Variants in NIPAL1 observed in about 807,000 individuals in gnomAD.
NIPAL1 encodes the protein NIPA like domain containing 1, also known as magnesium transporter NIPA3.
Under a neutral mutation model 37.7 loss-of-function variants are expected in NIPAL1, and 35 were observed. The observed-to-expected ratio is 0.93, with a 90% confidence interval of 0.71 to 1.23. The LOEUF is 1.23. Ranked by LOEUF, NIPAL1 falls within the 50% of genes most tolerant of loss-of-function variation. NIPAL1 has a pLI of 0.00. For missense variants in NIPAL1, 412 were observed against 473.9 expected (o/e 0.87, Z 1.21); for synonymous variants, 162 against 183.0 (o/e 0.89, Z 0.93).
In NIPAL1 at chr4:48,040,032, T is replaced by C. The variant is rs913758918; in HGVS notation, c.*3860T>C. 6.6e-6 allele frequency: 1 copy of C among 152,234 alleles called. No homozygotes were observed. The highest frequency in any genetic ancestry group is 2.4e-5 in the African/African-American group (1 of 41,460). The allele number at this position is 152,234 out of a possible 1,614,324, so 9.4% of individuals were successfully genotyped here. On this transcript the variant is annotated 3_prime_UTR_variant, in exon 6 of 6. Transcript: ENST00000295461. Reference sequence around the variant, plus strand: ...AGCTTTGTGGAAAAATATATGAATATATGAAATGTTCTCAAATATTTTGAA... The same window carrying C: ...AGCTTTGTGGAAAAATATATGAATACATGAAATGTTCTCAAATATTTTGAA...
rs926443714 is a variant in NIPAL1 at position 48,039,632 on chromosome 4, A to G, written c.*3460A>G. The G allele has an allele frequency of 2.0e-5, 3 of 152,262 alleles. No homozygotes were observed. The highest frequency in any genetic ancestry group is 7.2e-5 in the African/African-American group (3 of 41,480). The allele number at this position is 152,262 out of a possible 1,614,324, so 9.4% of individuals were successfully genotyped here. A position where few individuals can be genotyped will look rare whatever the true frequency, so the allele number is the denominator to read the frequency against. The stretch of plus-strand genomic sequence containing the variant: ...ATTCTTAGGTCAATGGTTATTTATT[A>G]TAAGTTCAGATTGCACAATTTTCAT... On this transcript the variant is annotated 3_prime_UTR_variant, in exon 6 of 6. Transcript: ENST00000295461.
chr4:48,027,790 A>T lies in NIPAL1; in HGVS notation c.314-2330A>T, dbSNP rs886306580. Among the ~76,000 whole-genome samples, 28 of 152,318 alleles carry T rather than the reference A, an allele frequency of 1.8e-4. No homozygotes were observed. The highest frequency in any genetic ancestry group is 3.4e-3 in the Middle Eastern group (1 of 294). ...TGTCCTTTTCAGTAGACAAAACAGA[A>T]ACTTGATTTCAGCATGACAAGGTAG... On this transcript the variant is annotated intron_variant, in intron 2 of 5. Coordinates refer to ENST00000295461, the MANE Select transcript of NIPAL1 (RefSeq NM_207330.3). The surrounding 1 kb of genome is among the most constrained non-coding windows in gnomAD (Gnocchi z 4.1).
chr4:48,021,752 G>A (rs78550044), intron 1 of NIPAL1, among the ~76,000 whole-genome samples: 1,765 of 152,156 alleles, frequency 0.012, 29 homozygotes, highest in African/African-American at 0.041. Flanking sequence ...GGTGCAAAAA[G>A]AGGCAAAAGC....
At chr4:48,032,419 C>T (rs1327811391) in intron 3 of NIPAL1, among the ~76,000 whole-genome samples, 1 of 152,188 alleles carries the variant, frequency 6.6e-6, no homozygotes, top group East Asian at 1.9e-4. Flanking sequence ...CATTCAGGAG[C>T]ATATCATGAC....
intron 3 of NIPAL1, among the ~76,000 whole-genome samples, chr4:48,031,181 C>T (rs1053109543): frequency 3.3e-5 from 5 of 152,092 alleles, no homozygotes; most frequent in African/African-American, 4.8e-5. Context: ...TCTCCTGCCT[C>T]AGCCTCCCGA....
intron 1 of NIPAL1, among the ~76,000 whole-genome samples, 178 bp downstream of exon 1, chr4:48,017,063 A>ATGGG (rs1715434287): frequency 6.6e-6 from 1 of 152,172 alleles, no homozygotes; most frequent in Admixed American, 6.5e-5. Flanking sequence ...ACACTTATTT[A>ATGGG]TGGGTGCCTA....
rs1167088700 is a variant in NIPAL1 at position 48,035,998 on chromosome 4, T to G, written c.1059T>G (p.Leu353=). 6.2e-7 allele frequency: 1 copy of G among 1,613,494 alleles called. No homozygotes were observed. Among genetic ancestry groups the G allele is most frequent in the African/African-American group, 1.3e-5 (1 of 74,910 alleles). ...TCACTATTATCATTGGCATCTTCCTTCTACATGCTTTTAAAAATACTGACA... is the reference window on the plus strand; with the variant it reads ...TCACTATTATCATTGGCATCTTCCTGCTACATGCTTTTAAAAATACTGACA... ...GFFTIIIGIF[L]LHAFKNTDIT... The change falls in exon 6 of 6, where the codon CTT becomes CTG. Residue 353 remains leucine (L), a synonymous_variant. Coordinates refer to ENST00000295461, the MANE Select transcript of NIPAL1 (RefSeq NM_207330.3).
chr4:48,036,000 T>C lies in NIPAL1; in HGVS notation c.1061T>C (p.Leu354Pro), dbSNP rs755082085. ...ACTATTATCATTGGCATCTTCCTTC[T>C]ACATGCTTTTAAAAATACTGACATT... ...FFTIIIGIFL[L>P]HAFKNTDITW... Residue 354 changes from leucine (L) to proline (P), a missense_variant, in exon 6 of 6, where the codon CTA becomes CCA. Coordinates refer to ENST00000295461, the MANE Select transcript of NIPAL1 (RefSeq NM_207330.3). 3 of 1,613,606 alleles carry C rather than the reference T, an allele frequency of 1.9e-6. No homozygotes were observed. In the South Asian group the frequency reaches 3.3e-5, roughly 18 times the overall value.
chr4:48,032,772 A>AT (rs1715849693), intron 3 of NIPAL1, among the ~76,000 whole-genome samples: 1 of 152,040 alleles, frequency 6.6e-6, no homozygotes. Flanking sequence ...ATCTGTCACC[A>AT]TTTTTTGCAT....
rs1408222374 is a variant in NIPAL1 at position 48,027,213 on chromosome 4, T to C, written c.313+1879T>C. Among the ~76,000 whole-genome samples, 10 of 152,090 alleles carry C rather than the reference T, an allele frequency of 6.6e-5. No individual in the cohort carries two copies. Among genetic ancestry groups the C allele is most frequent in the Non-Finnish European group, 1.5e-5 (1 of 68,020 alleles). ...TGTGACAAAGTATAGTTTCATAATA[T>C]ATAAAAAGTGACTGCAGTCAATAAG... On this transcript the variant is annotated intron_variant, in intron 2 of 5. Coordinates refer to ENST00000295461, the MANE Select transcript of NIPAL1 (RefSeq NM_207330.3). This position sits in a 1 kb window ranked among gnomAD's most constrained non-coding sequence, Gnocchi z 4.1.
In NIPAL1 at chr4:48,039,010, T is replaced by G. The variant is rs917058186; in HGVS notation, c.*2838T>G. 21 of 151,776 alleles carry G rather than the reference T, an allele frequency of 1.4e-4. No individual in the cohort carries two copies. The highest frequency in any genetic ancestry group is 5.1e-4 in the African/African-American group (21 of 41,134). The allele number at this position is 151,776 out of a possible 1,614,324, so 9.4% of individuals were successfully genotyped here. On this transcript the variant is annotated 3_prime_UTR_variant, in exon 6 of 6. Coordinates refer to ENST00000295461, the MANE Select transcript of NIPAL1 (RefSeq NM_207330.3). Reference sequence around the variant, plus strand: ...AAACTGTCTACATAAAAGTTACTGATGCACATGCATTAAAAAAAAAAATGT... The same window carrying G: ...AAACTGTCTACATAAAAGTTACTGAGGCACATGCATTAAAAAAAAAAATGT...
At chr4:48,024,218 A>T (rs967791148) in intron 1 of NIPAL1, among the ~76,000 whole-genome samples, 7 of 152,008 alleles carry the variant, frequency 4.6e-5, no homozygotes, top group Admixed American at 2.6e-4. Context: ...ATCTCAAGTG[A>T]TCCACCCGCC....
chr4:48,035,415 G>A, intron 5 of NIPAL1, 147 bp from the exon 6 acceptor site: 1 of 727,208 alleles, frequency 1.4e-6, no homozygotes, highest in Non-Finnish European at 2.3e-6. Context: ...AAAATATTGA[G>A]AACTATGCAA....
chr4:48,026,709 T>G (rs1373266542), intron 2 of NIPAL1, among the ~76,000 whole-genome samples: 5 of 151,440 alleles, frequency 3.3e-5, no homozygotes, highest in Non-Finnish European at 5.9e-5. Flanking sequence ...AGAATTTAAT[T>G]TAAAAATAAA....
At position 48,035,044 on chromosome 4, in the gene NIPAL1, C is replaced by A. The variant is rs1715896636; in HGVS notation, c.622+3C>A. 1.2e-6 allele frequency: 2 copies of A among 1,612,602 alleles called. No individual in the cohort carries two copies. The highest frequency in any genetic ancestry group is 1.7e-6 in the Non-Finnish European group (2 of 1,178,798). Reference sequence around the variant, plus strand: ...GGAAATGAAATTGAGAGACCCAGGTCTGTGATTCAACCTAAAGAACCACTC... The same window carrying A: ...GGAAATGAAATTGAGAGACCCAGGTATGTGATTCAACCTAAAGAACCACTC... On this transcript the variant is annotated splice_donor_region_variant and intron_variant, in intron 5 of 5. Coordinates refer to ENST00000295461, the MANE Select transcript of NIPAL1 (RefSeq NM_207330.3).
intron 2 of NIPAL1, among the ~76,000 whole-genome samples, chr4:48,029,747 G>A (rs1715779970): frequency 6.6e-6 from 1 of 152,116 alleles, no homozygotes; most frequent in South Asian, 2.1e-4. Flanking sequence ...TACATGTAAA[G>A]TTCTTTAAAA....
At chr4:48,029,129 A>G (rs750702788) in intron 2 of NIPAL1, among the ~76,000 whole-genome samples, 1 of 152,212 alleles carries the variant, frequency 6.6e-6, no homozygotes, top group Non-Finnish European at 1.5e-5. Context: ...TGTTGATCAC[A>G]CCACTATTCA....
Position 48,036,286 on chromosome 4 carries a change from T to G in NIPAL1, c.*114T>G. ...TAGCATTTTTGCAGTTCTAACTAATTTAGATGTGAGGCCAAGTAAAAATGC... is the reference window on the plus strand; with the variant it reads ...TAGCATTTTTGCAGTTCTAACTAATGTAGATGTGAGGCCAAGTAAAAATGC... On this transcript the variant is annotated 3_prime_UTR_variant, in exon 6 of 6. Coordinates refer to ENST00000295461, the MANE Select transcript of NIPAL1 (RefSeq NM_207330.3). 9.9e-7 allele frequency: 1 copy of G among 1,014,492 alleles called. No individual in the cohort carries two copies. The highest frequency in any genetic ancestry group is 1.7e-5 in the African/African-American group (1 of 60,186). The allele number at this position is 1,014,492 out of a possible 1,614,324, so 62.8% of individuals were successfully genotyped here. A position where few individuals can be genotyped will look rare whatever the true frequency, so the allele number is the denominator to read the frequency against.
intron 2 of NIPAL1, among the ~76,000 whole-genome samples, chr4:48,029,510 T>C (rs1011946966): frequency 6.6e-6 from 1 of 152,142 alleles, no homozygotes; most frequent in Non-Finnish European, 1.5e-5. Context: ...ATAGATACAC[T>C]AAAGGCCAGA....
Sources: gnomAD v4.1 joint callset for allele counts (sites outside exome capture counted in the v4.1 genomes callset) on GRCh38, gnomAD v4.1.1 for gene constraint, Gnocchi (gnomAD v3.1) non-coding constraint, MANE v1.5 for transcripts, NCBI Gene and HGNC (gene_info 2026-07-23, HGNC 2026-07-21) for gene names.